The following CPED1 variants were observed in gnomAD, a reference collection of about 807,000 sequenced individuals.
CPED1 encodes cadherin-like and PC-esterase domain-containing protein 1.
In CPED1, 114 loss-of-function variants were observed where a neutral mutation model predicts 128.2. That is an observed-to-expected ratio of 0.89 (90% CI 0.76 to 1.04). The LOEUF (loss-of-function observed/expected upper bound fraction) is 1.04, where lower values mean the gene tolerates loss of function less well. Ranked by LOEUF, CPED1 falls within the 50% of genes least tolerant of loss-of-function variation. The pLI, the probability that CPED1 is intolerant of heterozygous loss-of-function variation, is 0.00. For synonymous variants in CPED1, 462 were observed against 426.7 expected (o/e 1.08, Z -1.02); for missense variants, 1,211 against 1,207.1 (o/e 1.00, Z -0.05).
intron 16 of CPED1, among the ~76,000 whole-genome samples, chr7:121,217,465 A>C (rs969932805): frequency 6.6e-6 from 1 of 152,028 alleles, no homozygotes; most frequent in Non-Finnish European, 1.5e-5. Context: ...TCCTTGGAAG[A>C]TGTCATTGTT....
At position 121,027,310 on chromosome 7, in the gene CPED1, A is replaced by T. The variant is rs1428604885; in HGVS notation, c.433+11462A>T. Among the ~76,000 whole-genome samples, 5 of 152,132 alleles carry T rather than the reference A, an allele frequency of 3.3e-5. No individual in the cohort carries two copies. The East Asian group carries it at 9.7e-4, about 29-fold the overall frequency. ...TTGATAATTTTTATGTGTTCATCTT[A>T]TCTCCCCTTTTGTATTATAAACTTC... is the stretch of plus-strand genomic sequence containing the variant. On this transcript the variant is annotated intron_variant, in intron 3 of 22. Transcript: ENST00000310396.
At chr7:121,137,375 A>C (rs948649430) in intron 14 of CPED1, among the ~76,000 whole-genome samples, 3 of 151,936 alleles carry the variant, frequency 2.0e-5, no homozygotes, top group African/African-American at 7.2e-5. Context: ...GTCTTGCTAC[A>C]TTGCCCAGGC....
At chr7:120,998,732 C>T (rs1796452112) in intron 2 of CPED1, among the ~76,000 whole-genome samples, 1 of 151,878 alleles carries the variant, frequency 6.6e-6, no homozygotes, top group African/African-American at 2.4e-5. Context: ...TCTTTTGAAA[C>T]AAAACCAAAC....
intron 22 of CPED1, among the ~76,000 whole-genome samples, chr7:121,278,635 C>T (rs533697168): frequency 6.6e-6 from 1 of 152,148 alleles, no homozygotes; most frequent in African/African-American, 2.4e-5. Flanking sequence ...ATTCTATCCT[C>T]TGCTACTAGC....
At chr7:121,135,094 T>A (rs1795757060) in intron 13 of CPED1, among the ~76,000 whole-genome samples, 2 of 151,988 alleles carry the variant, frequency 1.3e-5, no homozygotes, top group Non-Finnish European at 2.9e-5. Flanking sequence ...TTGTTAAACC[T>A]AACTAACAAT....
chr7:121,155,965 A>G (rs1563048656), intron 16 of CPED1, among the ~76,000 whole-genome samples: 1 of 152,236 alleles, frequency 6.6e-6, no homozygotes. Flanking sequence ...CAAGGATTCA[A>G]TAACTAAAAT....
chr7:121,289,676 A>T (rs1378503664), intron 22 of CPED1, among the ~76,000 whole-genome samples: 2 of 152,214 alleles, frequency 1.3e-5, no homozygotes, highest in Non-Finnish European at 2.9e-5. Context: ...AACAATTTTT[A>T]AAAAATTATG....
chr7:121,262,381 G>C (rs1454666602), intron 18 of CPED1, among the ~76,000 whole-genome samples: 2 of 152,018 alleles, frequency 1.3e-5, no homozygotes, highest in Non-Finnish European at 2.9e-5. Flanking sequence ...GTAGAGCCTA[G>C]GAATAGTACC....
intron 5 of CPED1, among the ~76,000 whole-genome samples, chr7:121,081,783 T>A (rs1042651111): frequency 3.9e-5 from 6 of 152,124 alleles, no homozygotes; most frequent in Non-Finnish European, 1.5e-5. Context: ...GGCTTTATGA[T>A]TTATGCTGCA....
intron 13 of CPED1, among the ~76,000 whole-genome samples, chr7:121,135,234 T>C (rs569826555): frequency 6.6e-6 from 1 of 152,198 alleles, no homozygotes; most frequent in East Asian, 1.9e-4. Flanking sequence ...AAAAAACTAC[T>C]TCTAATTTTA....
At chr7:121,285,259 G>C (rs573986832) in intron 22 of CPED1, among the ~76,000 whole-genome samples, 1 of 152,170 alleles carries the variant, frequency 6.6e-6, no homozygotes, top group South Asian at 2.1e-4. Flanking sequence ...CAGAGCATGA[G>C]GCCTTAGGCC....
chr7:121,169,417 G>A (rs1796603164), intron 16 of CPED1, among the ~76,000 whole-genome samples: 2 of 152,280 alleles, frequency 1.3e-5, no homozygotes, highest in South Asian at 4.1e-4. Flanking sequence ...TTTATATTAA[G>A]AATAGGATGG....
At chr7:121,197,118 C>CTT (rs33936909) in intron 16 of CPED1, among the ~76,000 whole-genome samples, 2 of 128,412 alleles carry the variant, frequency 1.6e-5, no homozygotes, top group Non-Finnish European at 3.4e-5. Flanking sequence ...TAAAAATAAT[C>CTT]TTTTTTTTTT....
chr7:121,140,693 A>ACTG lies in CPED1; in HGVS notation c.1700-133_1700-131dup, dbSNP rs1202069134. 7 of 627,462 alleles carry ACTG rather than the reference A, an allele frequency of 1.1e-5. No homozygotes were observed. In the African/African-American group the frequency reaches 1.3e-4, roughly 12 times the overall value. The allele number at this position is 627,462 out of a possible 1,614,324, so 38.9% of individuals were successfully genotyped here. ...GCCACAAATCAACTATGATCAGGGT[A>ACTG]CTGATTGGAAAGTCAGCAGGGATCA... On this transcript the variant is annotated intron_variant, in intron 14 of 22. Coordinates refer to ENST00000310396, the MANE Select transcript of CPED1 (RefSeq NM_024913.5).
chr7:121,278,448 A>AC (rs1307273807), intron 22 of CPED1, among the ~76,000 whole-genome samples: 1 of 152,102 alleles, frequency 6.6e-6, no homozygotes, highest in East Asian at 1.9e-4. Flanking sequence ...CGTACTTCTT[A>AC]CCCCCCACCA....
At chr7:121,207,971 A>G (rs1249427597) in intron 16 of CPED1, among the ~76,000 whole-genome samples, 2 of 151,936 alleles carry the variant, frequency 1.3e-5, no homozygotes, top group African/African-American at 4.8e-5. Flanking sequence ...CCACCAACCT[A>G]ATGCAGACTT....
intron 16 of CPED1, among the ~76,000 whole-genome samples, chr7:121,185,263 G>A (rs1187243076): frequency 6.6e-6 from 1 of 152,054 alleles, no homozygotes; most frequent in Admixed American, 6.6e-5. Flanking sequence ...TATAGCAAAT[G>A]CTGTATCTCT....
intron 4 of CPED1, among the ~76,000 whole-genome samples, chr7:121,052,386 T>G (rs1258615824): frequency 6.6e-6 from 1 of 152,216 alleles, no homozygotes; most frequent in Admixed American, 6.5e-5. Context: ...TTCCCGTGAC[T>G]CTTTTGTCCC....
chr7:121,109,314 G>A (rs1472431291), intron 7 of CPED1, among the ~76,000 whole-genome samples: 1 of 152,080 alleles, frequency 6.6e-6, no homozygotes, highest in Non-Finnish European at 1.5e-5. Flanking sequence ...CTCTCATTGC[G>A]TCACTGGCTG....
Sources: gnomAD v4.1 joint callset for allele counts (sites outside exome capture counted in the v4.1 genomes callset) on GRCh38, gnomAD v4.1.1 for gene constraint, MANE v1.5 for transcripts, NCBI Gene and HGNC (gene_info 2026-07-23, HGNC 2026-07-21) for gene names.